Variants in CASKIN1 observed in about 807,000 individuals in gnomAD.
The protein encoded by CASKIN1 is CASK interacting protein 1.
In CASKIN1, 42 loss-of-function variants were observed where a neutral mutation model predicts 117.5. That is an observed-to-expected ratio of 0.36 (90% confidence interval 0.28 to 0.46). The LOEUF (loss-of-function observed/expected upper bound fraction) is 0.46, where lower values mean the gene tolerates loss of function less well. Among genes scored for constraint, CASKIN1 ranks in the 20% least tolerant of loss-of-function variants. The pLI, the probability that CASKIN1 is intolerant of heterozygous loss-of-function variation, is 1.00. For missense variants in CASKIN1, 2,083 were observed against 2,077.3 expected (o/e 1.00, Z -0.05); for synonymous variants, 1,148 against 961.7 (o/e 1.19, Z -3.59).
At position 2,179,022 on chromosome 16, in the gene CASKIN1, G is replaced by C. The variant is rs756902756; in HGVS notation, c.4079C>G (p.Pro1360Arg). Residue 1360 changes from proline (P) to arginine (R), a missense_variant, in exon 19 of 20, where the codon CCC (proline) becomes CGC (arginine). Physicochemically the swap from Pro to Arg is moderately radical, Grantham distance 103. Coordinates refer to ENST00000343516, the MANE Select transcript of CASKIN1 (RefSeq NM_020764.4). This position sits in a 1 kb window ranked among gnomAD's most constrained non-coding sequence, Gnocchi z 5.8. ...GCTGTCCCCTGGCGAGGCGCCTTCG[G>C]GCGGGGCGGGGGGCGCGGCGGCGGC... Reference protein sequence around the residue: ...AAAAAAPPAPPEGASPGDSAR... With the variant: ...AAAAAAPPAPREGASPGDSAR... 8.5e-7 allele frequency: 1 copy of C among 1,169,822 alleles called. No homozygotes were observed. Among genetic ancestry groups the C allele is most frequent in the Non-Finnish European group, 1.1e-6 (1 of 948,312 alleles). The allele number at this position is 1,169,822 out of a possible 1,614,324, so 72.5% of individuals were successfully genotyped here.
Position 2,178,228 on chromosome 16 carries a change from T to C in CASKIN1, c.*322A>G. On this transcript the variant is annotated 3_prime_UTR_variant, in exon 20 of 20. Coordinates refer to ENST00000343516, the MANE Select transcript of CASKIN1 (RefSeq NM_020764.4). ...GGCCGGGCGTCCCGATGGGCAGTTC[T>C]GTGCTGGGCCCGGGCCTGTGCGCTG... 2.3e-6 allele frequency: 1 copy of C among 434,902 alleles called. No individual in the cohort carries two copies. The highest frequency in any genetic ancestry group is 5.0e-5 in the East Asian group (1 of 19,824). The allele number at this position is 434,902 out of a possible 1,614,324, so 26.9% of individuals were successfully genotyped here. A position where few individuals can be genotyped will look rare whatever the true frequency, so the allele number is the denominator to read the frequency against.
In CASKIN1 at chr16:2,182,742, G is replaced by A. The variant is rs1197733636; in HGVS notation, c.1630-813C>T. On this transcript the variant is annotated intron_variant, in intron 16 of 19. Coordinates refer to ENST00000343516, the MANE Select transcript of CASKIN1 (RefSeq NM_020764.4). This position sits in a 1 kb window ranked among gnomAD's most constrained non-coding sequence, Gnocchi z 4.1. Reference sequence around the variant, plus strand: ...TCCGCTTCAGTTGGGCTAGGCCTGGGCCCACCTTCTTCAGGCCCGGAACCC... The same window carrying A: ...TCCGCTTCAGTTGGGCTAGGCCTGGACCCACCTTCTTCAGGCCCGGAACCC... 6.6e-6 allele frequency among the ~76,000 whole-genome samples: 1 copy of A among 152,202 alleles called. No individual in the cohort carries two copies. The highest frequency in any genetic ancestry group is 2.4e-5 in the African/African-American group (1 of 41,462).
At position 2,177,391 on chromosome 16, in the gene CASKIN1, C is replaced by T; in HGVS notation, c.*1159G>A. 4.3e-6 allele frequency: 1 copy of T among 233,448 alleles called. No individual in the cohort carries two copies. The highest frequency in any genetic ancestry group is 8.5e-6 in the Non-Finnish European group (1 of 118,098). 14.5% of individuals were successfully genotyped at this position (233,448 alleles called of 1,614,324 possible). The stretch of plus-strand genomic sequence containing the variant: ...CCGCCAGCCGCCTCCACCCGCCCCA[C>T]ACCACAATCGCTGGTTTTCGGCATT... On this transcript the variant is annotated 3_prime_UTR_variant, in exon 20 of 20. Transcript: ENST00000343516.
chr16:2,187,571 G>A (rs542904445), intron 6 of CASKIN1, 110 bp from the exon 7 acceptor site: 7 of 839,980 alleles, frequency 8.3e-6, no homozygotes, highest in Non-Finnish European at 1.4e-5. Context: ...CTTGGGGGCT[G>A]AGGACCGTCC....
chr16:2,186,721 A>G lies in CASKIN1; in HGVS notation c.1034T>C (p.Ile345Thr), dbSNP rs1230930494. ...GTGGAACTTGCCTGCTCGCTTGACA[A>G]TGGCCTCGCCCAGGGAGGACGGGAA... ...GYFPSSLGEA[I>T]VKRAGSRAGT... The change falls in exon 10 of 20, where the codon ATT (isoleucine) becomes ACT (threonine). Residue 345 changes from isoleucine to threonine, a missense_variant. Around this residue, in one of 3 missense-constraint regions of CASKIN1, gnomAD observed 1,818 missense variants for 1,688.9 expected, o/e 1.08. Transcript: ENST00000343516. 1.9e-6 allele frequency: 3 copies of G among 1,612,672 alleles called. No homozygotes were observed. The highest frequency in any genetic ancestry group is 2.5e-6 in the Non-Finnish European group (3 of 1,179,816).
At chr16:2,181,955 C>T (rs1596687368) in intron 16 of CASKIN1, 26 bp from the exon 17 acceptor site, 2 of 1,609,860 alleles carry the variant, frequency 1.2e-6, no homozygotes, top group African/African-American at 1.3e-5. Flanking sequence ...ACAGAGGAGC[C>T]ACCTGGGCTG....
chr16:2,193,397 C>A (rs2093206419), intron 1 of CASKIN1, among the ~76,000 whole-genome samples: 1 of 152,196 alleles, frequency 6.6e-6, no homozygotes, highest in Non-Finnish European at 1.5e-5. Context: ...GGGCCTACCA[C>A]CATCCCTTGC....
chr16:2,184,286 G>A (rs1567260532), intron 14 of CASKIN1, among the ~76,000 whole-genome samples: 1 of 152,258 alleles, frequency 6.6e-6, no homozygotes, highest in East Asian at 1.9e-4. Context: ...AGGTGGTATG[G>A]CCCCTTGGGA....
intron 19 of CASKIN1, 23 bp from the exon 20 acceptor site, chr16:2,178,669 CGT>C (rs977394764): frequency 1.4e-5 from 22 of 1,564,468 alleles, no homozygotes; most frequent in Non-Finnish European, 1.7e-5. Context: ...GGGCAAGGGG[CGT>C]GAGTGGGCGG....
In CASKIN1 at chr16:2,179,654, C is replaced by T. The variant is rs1170609054; in HGVS notation, c.3714G>A (p.Lys1238=). 1.3e-6 allele frequency: 2 copies of T among 1,505,230 alleles called. No homozygotes were observed. Among genetic ancestry groups the T allele is most frequent in the Non-Finnish European group, 8.8e-7 (1 of 1,133,654 alleles). 93.2% of individuals were successfully genotyped at this position (1,505,230 alleles called of 1,614,324 possible). ...AGGTGGGTGTGGGCGAGCCCTGGAGCTTGGGCACAGGCTGCGTCAGGACGG... is the reference window on the plus strand; with the variant it reads ...AGGTGGGTGTGGGCGAGCCCTGGAGTTTGGGCACAGGCTGCGTCAGGACGG... ...PKPVLTQPVP[K]LQGSPTPTSK... The change falls in exon 18 of 20, where the codon AAG becomes AAA. Residue 1238 remains lysine, a synonymous_variant. Coordinates refer to ENST00000343516, the MANE Select transcript of CASKIN1 (RefSeq NM_020764.4). This position sits in a 1 kb window ranked among gnomAD's most constrained non-coding sequence, Gnocchi z 5.8.
intron 6 of CASKIN1, 152 bp from the exon 7 acceptor site, chr16:2,187,613 G>C (rs2093188750): frequency 3.2e-6 from 2 of 634,146 alleles, no homozygotes; most frequent in Non-Finnish European, 2.7e-6. Flanking sequence ...CATTCACTGA[G>C]TGCTGAGCGC....
At chr16:2,184,714 C>G (rs1277589597) in intron 14 of CASKIN1, 63 bp downstream of exon 14, 4 of 1,372,050 alleles carry the variant, frequency 2.9e-6, no homozygotes, top group African/African-American at 2.9e-5. Context: ...AAGCACCCAT[C>G]AGCCCATCGG....
chr16:2,183,622 C>T, intron 16 of CASKIN1, 24 bp downstream of exon 16: 11 of 1,609,470 alleles, frequency 6.8e-6, no homozygotes, highest in Non-Finnish European at 8.5e-6. Flanking sequence ...CTGGGCCCAG[C>T]CCCTGGGATG....
chr16:2,185,701 G>C (rs2093182204), intron 10 of CASKIN1, among the ~76,000 whole-genome samples: 2 of 152,234 alleles, frequency 1.3e-5, no homozygotes, highest in South Asian at 4.1e-4. Flanking sequence ...TGGGGGGCAG[G>C]CAAGAAGCCC....
Position 2,179,482 on chromosome 16 carries a change from C to A in CASKIN1, c.3775+111G>T. On this transcript the variant is annotated intron_variant, in intron 18 of 19. Coordinates refer to ENST00000343516, the MANE Select transcript of CASKIN1 (RefSeq NM_020764.4). The surrounding 1 kb of genome is among the most constrained non-coding windows in gnomAD (Gnocchi z 5.8). Reference sequence around the variant, plus strand: ...ATGAGAGGGTCTGGGGACACGTTCCCACCCCACCTGGGCTTCCATCAAACC... The same window carrying A: ...ATGAGAGGGTCTGGGGACACGTTCCAACCCCACCTGGGCTTCCATCAAACC... 7.2e-7 allele frequency: 1 copy of A among 1,392,440 alleles called. No homozygotes were observed. Among genetic ancestry groups the A allele is most frequent in the South Asian group, 1.6e-5 (1 of 64,092 alleles). 86.3% of individuals were successfully genotyped at this position (1,392,440 alleles called of 1,614,324 possible).
At chr16:2,191,293 G>A (rs1022735282) in intron 1 of CASKIN1, among the ~76,000 whole-genome samples, 2 of 152,186 alleles carry the variant, frequency 1.3e-5, no homozygotes, top group Non-Finnish European at 2.9e-5. Context: ...CTGTCTGCAG[G>A]GCTTGCACAG....
chr16:2,192,228 G>C (rs1027214439), intron 1 of CASKIN1, among the ~76,000 whole-genome samples: 6 of 152,040 alleles, frequency 3.9e-5, no homozygotes, highest in African/African-American at 1.4e-4. Context: ...GAGCCCAGGA[G>C]GTTGAAGCTG....
rs1256555824 is a variant in CASKIN1, at chr16:2,179,254, G to A, written c.3847C>T (p.Pro1283Ser). The change falls in exon 19 of 20, where the codon CCC becomes TCC. Residue 1283 changes from proline (P) to serine (S), a missense_variant. Coordinates refer to ENST00000343516, the MANE Select transcript of CASKIN1 (RefSeq NM_020764.4). This position sits in a 1 kb window ranked among gnomAD's most constrained non-coding sequence, Gnocchi z 5.8. ...KPPPPPTAPK[P>S]VKAVAGLPSG... Reference sequence around the variant, plus strand: ...GGCAGCCCCGCGACCGCCTTGACGGGCTTGGGCGCTGTGGGCGGCGGCGGC... The same window carrying A: ...GGCAGCCCCGCGACCGCCTTGACGGACTTGGGCGCTGTGGGCGGCGGCGGC... 2.6e-5 allele frequency: 31 copies of A among 1,209,516 alleles called. No homozygotes were observed. The highest frequency in any genetic ancestry group is 3.1e-5 in the Non-Finnish European group (30 of 974,220). The allele number at this position is 1,209,516 out of a possible 1,614,324, so 74.9% of individuals were successfully genotyped here.
intron 10 of CASKIN1, among the ~76,000 whole-genome samples, chr16:2,185,854 TG>T (rs2093182757): frequency 6.6e-6 from 1 of 152,256 alleles, no homozygotes. Context: ...CTTCACAGCC[TG>T]GGCCCCTGGC....
Sources: gnomAD v4.1 joint callset for allele counts (sites outside exome capture counted in the v4.1 genomes callset) on GRCh38, gnomAD v4.1.1 for gene constraint, gnomAD v4.1.1 regional missense constraint, Gnocchi (gnomAD v3.1) non-coding constraint, MANE v1.5 for transcripts, NCBI Gene and HGNC (gene_info 2026-07-23, HGNC 2026-07-21) for gene names.